The following SYT3 variants were observed in gnomAD, a reference collection of about 807,000 sequenced individuals.
The protein encoded by SYT3 is synaptotagmin-3.
SYT3 carries 25 observed loss-of-function variants against 50.6 expected under a neutral mutation model. That is an observed-to-expected ratio of 0.49 (90% CI 0.36 to 0.69). The LOEUF is 0.69. Among genes scored for constraint, SYT3 ranks in the 30% least tolerant of loss-of-function variants. The pLI is 0.00. For synonymous variants in SYT3, 323 were observed against 353.9 expected, an observed-to-expected ratio of 0.91 and a Z score of 0.98; for missense variants, 589 against 793.6, an observed-to-expected ratio of 0.74 and a Z score of 3.10.
the SYT3 span, among the ~76,000 whole-genome samples, chr19:50,657,771 T>A: frequency 6.6e-6 from 1 of 152,206 alleles, no homozygotes; most frequent in Non-Finnish European, 1.5e-5. Context: ...TTTTGGAGAA[T>A]GACCTAGAGT....
At position 50,632,573 on chromosome 19, in the gene SYT3, G is replaced by A; in HGVS notation, c.387C>T (p.Gly129=). Residue 129 remains glycine (G), a synonymous_variant, in exon 4 of 11, where the codon GGC becomes GGT. Transcript: ENST00000600079. This position sits in a 1 kb window ranked among gnomAD's most constrained non-coding sequence, Gnocchi z 4.7. ...AGLGGHPLLG[G]PHHHAHAAHH... ...GGGCGGCATGGGCATGGTGGTGTGGGCCGCCCAGCAGAGGATGGCCACCCA... is the reference window on the plus strand; with the variant it reads ...GGGCGGCATGGGCATGGTGGTGTGGACCGCCCAGCAGAGGATGGCCACCCA... 2 of 1,590,398 alleles carry A rather than the reference G, an allele frequency of 1.3e-6. No homozygotes were observed. The highest frequency in any genetic ancestry group is 1.7e-6 in the Non-Finnish European group (2 of 1,170,288).
chr19:50,624,545 C>G (rs1283803844), intron 9 of SYT3, among the ~76,000 whole-genome samples: 1 of 132,300 alleles, frequency 7.6e-6, no homozygotes, highest in African/African-American at 2.9e-5. Flanking sequence ...AAGCGATAAT[C>G]TTAAATGACT....
the SYT3 span, among the ~76,000 whole-genome samples, chr19:50,654,533 G>A: frequency 6.6e-6 from 1 of 151,790 alleles, no homozygotes; most frequent in Admixed American, 6.6e-5. Context: ...TCCTGACCTC[G>A]TGATCTGCCC....
intron 4 of SYT3, 112 bp from the exon 5 acceptor site, chr19:50,630,283 GC>G: frequency 8.8e-7 from 1 of 1,142,598 alleles, no homozygotes; most frequent in South Asian, 1.7e-5. Flanking sequence ...CAGCCAGGTG[GC>G]CACAAGTCCC....
chr19:50,640,525 T>G (rs1346232883), upstream of SYT3, among the ~76,000 whole-genome samples: 1 of 152,220 alleles, frequency 6.6e-6, no homozygotes, highest in Non-Finnish European at 1.5e-5. Context: ...CTAAGTGCTT[T>G]GAAAGCGTTT....
At position 50,632,673 on chromosome 19, in the gene SYT3, AG is replaced by A. The variant is rs765263349; in HGVS notation, c.286del (p.Leu96CysfsTer5). ...KGGSAVGGGP[L>X]RKDLGPGVGL... ...GACACCAGGGCCTAGGTCTTTGCGC[AG>A]GGGGCCACCGCCCACTGCCGAGCCT... On this transcript the variant is annotated frameshift_variant, in exon 4 of 11. Coordinates refer to ENST00000600079, the MANE Select transcript of SYT3 (RefSeq NM_001160329.2). LOFTEE classifies it high-confidence loss of function. The surrounding 1 kb of genome is among the most constrained non-coding windows in gnomAD (Gnocchi z 4.7). 4 of 1,589,846 alleles carry A rather than the reference AG, an allele frequency of 2.5e-6. No homozygotes were observed. Among genetic ancestry groups the A allele is most frequent in the Non-Finnish European group, 2.6e-6 (3 of 1,169,012 alleles).
intron 5 of SYT3, 68 bp from the exon 6 acceptor site, chr19:50,629,580 T>C (rs1984204079): frequency 1.2e-6 from 1 of 867,164 alleles, no homozygotes; most frequent in Non-Finnish European, 1.8e-6. Context: ...GATCCAGGAG[T>C]CCAGCCCCCA....
the SYT3 span, among the ~76,000 whole-genome samples, chr19:50,647,541 G>A: frequency 6.3e-4 from 96 of 152,192 alleles, no homozygotes; most frequent in African/African-American, 2.1e-3. Flanking sequence ...ATAGCTGGGC[G>A]TAGTGGTGTG....
chr19:50,627,833 A>G (rs1244968657), intron 6 of SYT3, among the ~76,000 whole-genome samples: 1 of 152,150 alleles, frequency 6.6e-6, no homozygotes, highest in Non-Finnish European at 1.5e-5. Flanking sequence ...AAGGGTGAGC[A>G]CAAGAATTAG....
At chr19:50,651,162 C>T in the SYT3 span, among the ~76,000 whole-genome samples, 3 of 152,130 alleles carry the variant, frequency 2.0e-5, no homozygotes, top group Non-Finnish European at 4.4e-5. Context: ...GGAGAGGAGA[C>T]GTGAAACACG....
chr19:50,623,434 A>G (rs1983920464), intron 9 of SYT3, among the ~76,000 whole-genome samples: 1 of 152,030 alleles, frequency 6.6e-6, no homozygotes, highest in Non-Finnish European at 1.5e-5. Flanking sequence ...TTCACCCAGT[A>G]CTAAATGTAA....
At chr19:50,634,081 T>C (rs1448428650) in intron 3 of SYT3, among the ~76,000 whole-genome samples, 3 of 152,262 alleles carry the variant, frequency 2.0e-5, no homozygotes, top group African/African-American at 7.2e-5. Flanking sequence ...TGTGCTGATA[T>C]GCCTTGCAGA....
chr19:50,648,314 C>T, the SYT3 span, among the ~76,000 whole-genome samples: 1 of 152,128 alleles, frequency 6.6e-6, no homozygotes. Flanking sequence ...CTGAACAAAT[C>T]ACTGAGGAAA....
the SYT3 span, among the ~76,000 whole-genome samples, chr19:50,648,299 C>T: frequency 9.2e-4 from 140 of 152,158 alleles, 1 homozygote; most frequent in African/African-American, 2.1e-3. Flanking sequence ...TTCTTAAGCT[C>T]GCCACTGAAC....
chr19:50,631,086 TC>T (rs1285920890), intron 4 of SYT3, among the ~76,000 whole-genome samples: 5 of 151,836 alleles, frequency 3.3e-5, no homozygotes, highest in African/African-American at 1.2e-4. Context: ...TCCCAGACCC[TC>T]AGGCGGGCAC....
rs116993965 is a variant in SYT3 at position 50,634,185 on chromosome 19, A to G, written c.149-1374T>C. 7.1e-3 allele frequency among the ~76,000 whole-genome samples: 1,077 copies of G among 152,328 alleles called. 6 individuals carry two copies. Among genetic ancestry groups the G allele is most frequent in the Middle Eastern group, 0.027 (8 of 294 alleles). On this transcript the variant is annotated intron_variant, in intron 3 of 10. Transcript: ENST00000600079. ...TGGGGTTTTTCAGAAATGACCTTCAAGGAATGGGAATTTGTTTTGAAATGG... is the reference window on the plus strand; with the variant it reads ...TGGGGTTTTTCAGAAATGACCTTCAGGGAATGGGAATTTGTTTTGAAATGG...
In SYT3 at chr19:50,625,089, C is replaced by T. The variant is rs564157804; in HGVS notation, c.1707+73G>A. On this transcript the variant is annotated intron_variant, in intron 9 of 10. Coordinates refer to ENST00000600079, the MANE Select transcript of SYT3 (RefSeq NM_001160329.2). The surrounding 1 kb of genome is among the most constrained non-coding windows in gnomAD (Gnocchi z 7.5). ...CTCTGCGACTCACGAACATGCAGGG[C>T]GTTCGTTGCATGGATGAAGGGGCCG... 3.4e-5 allele frequency: 48 copies of T among 1,399,502 alleles called. No homozygotes were observed. In the African/African-American group the frequency reaches 4.8e-4, roughly 14 times the overall value. The allele number at this position is 1,399,502 out of a possible 1,614,324, so 86.7% of individuals were successfully genotyped here. A position where few individuals can be genotyped will look rare whatever the true frequency, so the allele number is the denominator to read the frequency against.
rs1251978526 is a variant in SYT3, at chr19:50,637,441, G to GA, written c.-15-16dup. 4.4e-6 allele frequency: 7 copies of GA among 1,577,754 alleles called. No individual in the cohort carries two copies. The highest frequency in any genetic ancestry group is 6.0e-6 in the Non-Finnish European group (7 of 1,158,972). ...GCCGTCTGGTCCTGTGTGTGGGAGGGATGGGGCAAGGGTGCAGATGGGAAA... is the reference window on the plus strand; with the variant it reads ...GCCGTCTGGTCCTGTGTGTGGGAGGGAATGGGGCAAGGGTGCAGATGGGAAA... On this transcript the variant is annotated splice_polypyrimidine_tract_variant and intron_variant, in intron 2 of 10. Coordinates refer to ENST00000600079, the MANE Select transcript of SYT3 (RefSeq NM_001160329.2). The surrounding 1 kb of genome is among the most constrained non-coding windows in gnomAD (Gnocchi z 4.9).
intron 4 of SYT3, among the ~76,000 whole-genome samples, chr19:50,631,648 C>A (rs1441589244): frequency 6.6e-6 from 1 of 152,026 alleles, no homozygotes; most frequent in East Asian, 1.9e-4. Flanking sequence ...GCCTTCCCAA[C>A]TCTCCCTCAG....
Sources: allele counts gnomAD v4.1 joint callset (sites outside exome capture counted in the v4.1 genomes callset), GRCh38; gene constraint gnomAD v4.1.1; non-coding constraint Gnocchi (gnomAD v3.1); transcripts MANE v1.5; gene names NCBI Gene and HGNC (gene_info 2026-07-23, HGNC 2026-07-21).